Variants in SUPT3H observed in about 807,000 individuals in gnomAD.
The protein encoded by SUPT3H is SPT3 homolog, SAGA and STAGA complex component, also known as transcription initiation protein SPT3 homolog.
Under a neutral mutation model 44.3 loss-of-function variants are expected in SUPT3H, and 44 were observed. That is an observed-to-expected ratio of 0.99 (90% confidence interval 0.78 to 1.28). The LOEUF (loss-of-function observed/expected upper bound fraction) is 1.28. Among genes scored for constraint, SUPT3H ranks in the 50% most tolerant of loss-of-function variants. The pLI is 0.00. For missense variants in SUPT3H, 380 were observed against 387.1 expected (o/e 0.98, Z 0.15); for synonymous variants, 124 against 125.6 (o/e 0.99, Z 0.09).
At chr6:45,222,423 A>T (rs1460175045) in intron 2 of SUPT3H, among the ~76,000 whole-genome samples, 1 of 152,174 alleles carries the variant, frequency 6.6e-6, no homozygotes, top group East Asian at 1.9e-4. Flanking sequence ...ACAGATGGCA[A>T]ATAAGCACAC....
intron 3 of SUPT3H, among the ~76,000 whole-genome samples, chr6:45,027,943 C>T (rs529482486): frequency 6.6e-6 from 1 of 152,144 alleles, no homozygotes; most frequent in Non-Finnish European, 1.5e-5. Context: ...TTCCCCTAGT[C>T]TGAGAAACTT....
At chr6:45,020,697 T>C (rs1284628043) in intron 3 of SUPT3H, 65 bp from the exon 4 acceptor site, 2 of 1,178,332 alleles carry the variant, frequency 1.7e-6, no homozygotes, top group Non-Finnish European at 2.5e-6. Flanking sequence ...ACAGTCATGA[T>C]GTCTCTAAAG....
intron 2 of SUPT3H, among the ~76,000 whole-genome samples, chr6:45,246,417 CTT>C (rs1401604156): frequency 6.6e-6 from 1 of 152,050 alleles, no homozygotes; most frequent in Non-Finnish European, 1.5e-5. Context: ...ACATTCAGGT[CTT>C]TTATCAACAC....
intron 3 of SUPT3H, among the ~76,000 whole-genome samples, chr6:45,061,088 A>G (rs1791929951): frequency 6.6e-6 from 1 of 152,192 alleles, no homozygotes; most frequent in Non-Finnish European, 1.5e-5. Flanking sequence ...CAGCAATGCC[A>G]TTACTGGGTA....
intron 2 of SUPT3H, among the ~76,000 whole-genome samples, chr6:45,348,462 T>C (rs1278346281): frequency 7.0e-6 from 1 of 142,510 alleles, no homozygotes; most frequent in Non-Finnish European, 1.5e-5. Context: ...AGGTCTAGAG[T>C]TCCAGACCAG....
intron 9 of SUPT3H, among the ~76,000 whole-genome samples, chr6:44,951,926 A>AG (rs932649915): frequency 2.0e-5 from 3 of 152,222 alleles, no homozygotes; most frequent in African/African-American, 7.2e-5. Context: ...GACATTTTAA[A>AG]GGGGGTTTTT....
chr6:44,890,990 A>C (rs1417010379), intron 10 of SUPT3H, among the ~76,000 whole-genome samples: 2 of 144,548 alleles, frequency 1.4e-5, no homozygotes, highest in Non-Finnish European at 2.9e-5. Context: ...GGGTTGGGGG[A>C]CTAGGGGAGG....
chr6:45,359,030 A>T (rs1793762049), intron 2 of SUPT3H, among the ~76,000 whole-genome samples: 1 of 152,104 alleles, frequency 6.6e-6, no homozygotes, highest in African/African-American at 2.4e-5. Flanking sequence ...AACTTCATCT[A>T]CCTGAATTTC....
intron 2 of SUPT3H, among the ~76,000 whole-genome samples, chr6:45,280,856 G>C (rs191131050): frequency 6.6e-6 from 1 of 152,206 alleles, no homozygotes; most frequent in East Asian, 1.9e-4. Context: ...TAACAACAGA[G>C]TGGTTAAACA....
intron 6 of SUPT3H, among the ~76,000 whole-genome samples, chr6:44,988,889 G>T (rs542424498): frequency 6.6e-6 from 1 of 152,034 alleles, no homozygotes; most frequent in African/African-American, 2.4e-5. Context: ...CTTAAATAAA[G>T]TGTGGCTTCT....
intron 3 of SUPT3H, among the ~76,000 whole-genome samples, chr6:45,045,120 A>C (rs963105537): frequency 2.0e-5 from 3 of 152,192 alleles, no homozygotes; most frequent in African/African-American, 7.2e-5. Context: ...AAGAAATGTC[A>C]CAAGTAAATT....
chr6:45,351,356 T>C (rs753666428), intron 2 of SUPT3H, among the ~76,000 whole-genome samples: 2 of 152,018 alleles, frequency 1.3e-5, no homozygotes, highest in Non-Finnish European at 2.9e-5. Context: ...CCAGGCATAC[T>C]TACGTACCAG....
At chr6:45,077,626 C>CAAATAAAA (rs765871514) in intron 3 of SUPT3H, among the ~76,000 whole-genome samples, 2 of 34,020 alleles carry the variant, frequency 5.9e-5, no homozygotes, top group South Asian at 3.0e-3. Flanking sequence ...GACCTTGTTT[C>CAAATAAAA]AAAAAAAAAA....
chr6:45,093,095 G>A (rs1277229505), intron 3 of SUPT3H, among the ~76,000 whole-genome samples: 2 of 151,600 alleles, frequency 1.3e-5, no homozygotes, highest in African/African-American at 4.8e-5. Context: ...ATAAAACATC[G>A]CAATGGATGT....
chr6:45,359,631 A>T (rs1025242531), intron 2 of SUPT3H, among the ~76,000 whole-genome samples: 1 of 152,222 alleles, frequency 6.6e-6, no homozygotes, highest in Non-Finnish European at 1.5e-5. Context: ...GCATCTAATA[A>T]GTATATAGTA....
At chr6:45,187,741 C>T (rs1436215099) in intron 2 of SUPT3H, among the ~76,000 whole-genome samples, 1 of 152,060 alleles carries the variant, frequency 6.6e-6, no homozygotes, top group Non-Finnish European at 1.5e-5. Flanking sequence ...CACAACAAAA[C>T]CAAAGGGAAG....
At chr6:44,857,387 T>C (rs992695018) in intron 10 of SUPT3H, among the ~76,000 whole-genome samples, 18 of 152,150 alleles carry the variant, frequency 1.2e-4, no homozygotes, top group African/African-American at 4.8e-5. Context: ...AGCAGTCTCA[T>C]TGGGAGAGAT....
At chr6:45,339,525 G>A (rs1164940123) in intron 2 of SUPT3H, among the ~76,000 whole-genome samples, 1 of 152,002 alleles carries the variant, frequency 6.6e-6, no homozygotes, top group Non-Finnish European at 1.5e-5. Flanking sequence ...TCCAATAGAG[G>A]TGATAGTCAA....
intron 5 of SUPT3H, among the ~76,000 whole-genome samples, chr6:45,011,476 T>C (rs1469527878): frequency 6.6e-6 from 1 of 152,090 alleles, no homozygotes; most frequent in Non-Finnish European, 1.5e-5. Context: ...CACTTCTGGT[T>C]CTTTTCATTT....
Sources: allele counts gnomAD v4.1 joint callset (sites outside exome capture counted in the v4.1 genomes callset), GRCh38; gene constraint gnomAD v4.1.1; transcripts MANE v1.5; gene names NCBI Gene and HGNC (gene_info 2026-07-23, HGNC 2026-07-21).